The following TRAPPC8 variants were observed in gnomAD, a reference collection of about 807,000 sequenced individuals.
The protein encoded by TRAPPC8 is trafficking protein particle complex subunit 8.
TRAPPC8 carries 54 observed loss-of-function variants against 174.3 expected under a neutral mutation model. The observed-to-expected ratio is 0.31, with a 90% CI of 0.25 to 0.39. The LOEUF (loss-of-function observed/expected upper bound fraction) is 0.39, where lower values mean the gene tolerates loss of function less well. Ranked by LOEUF, TRAPPC8 falls within the 10% of genes least tolerant of loss-of-function variation. The probability of loss-of-function intolerance (pLI) is 1.00; values close to 1 mark genes in which losing one functional copy is unlikely to be tolerated. For synonymous variants in TRAPPC8, 630 were observed against 579.9 expected (o/e 1.09, Z -1.24); for missense variants, 1,531 against 1,699.1 (o/e 0.90, Z 1.74).
chr18:31,907,825 T>C (rs1225098525), intron 8 of TRAPPC8, among the ~76,000 whole-genome samples: 1 of 152,190 alleles, frequency 6.6e-6, no homozygotes, highest in Non-Finnish European at 1.5e-5. Context: ...AATGTCTGAA[T>C]GGCAGGCAAA....
At chr18:31,860,011 G>A (rs553156707) in intron 19 of TRAPPC8, among the ~76,000 whole-genome samples, 36 of 134,626 alleles carry the variant, frequency 2.7e-4, no homozygotes, top group African/African-American at 1.0e-3. Flanking sequence ...GCAAGACTCC[G>A]TCTCAAAAAA....
chr18:31,870,879 GTAAGTAAAACAAA>G, intron 15 of TRAPPC8, 34 bp downstream of exon 15: 1 of 1,399,058 alleles, frequency 7.1e-7, no homozygotes, highest in Non-Finnish European at 9.5e-7. Flanking sequence ...TCATCATGCT[GTAAGTAAAACAAA>G]TAAAAAACAG....
chr18:31,830,547 T>G lies in TRAPPC8; in HGVS notation c.*208A>C. The G allele has an allele frequency of 1.8e-6, 1 of 561,224 alleles. No homozygotes were observed. Among genetic ancestry groups the G allele is most frequent in the Non-Finnish European group, 3.2e-6 (1 of 317,134 alleles). The allele number at this position is 561,224 out of a possible 1,614,324, so 34.8% of individuals were successfully genotyped here. On this transcript the variant is annotated 3_prime_UTR_variant, in exon 29 of 29. Coordinates refer to ENST00000283351, the MANE Select transcript of TRAPPC8 (RefSeq NM_014939.5). ...CCTGTATTATGAGCATGTAAATTAT[T>G]CTCAGGGTTTAAAGAAATACAGAAA...
At chr18:31,918,251 T>C (rs925011460) in intron 2 of TRAPPC8, among the ~76,000 whole-genome samples, 4 of 152,210 alleles carry the variant, frequency 2.6e-5, no homozygotes, top group Admixed American at 1.3e-4. Context: ...AAAAATAAAA[T>C]TGAATTATTC....
At chr18:31,835,655 AGTCAC>A (rs1235370224) in intron 27 of TRAPPC8, among the ~76,000 whole-genome samples, 1 of 152,146 alleles carries the variant, frequency 6.6e-6, no homozygotes, top group Admixed American at 6.5e-5. Flanking sequence ...ACAGACACCC[AGTCAC>A]TTGATCCTTC....
At chr18:31,854,494 C>G (rs2033886986) in intron 21 of TRAPPC8, among the ~76,000 whole-genome samples, 2 of 152,038 alleles carry the variant, frequency 1.3e-5, no homozygotes. Context: ...GGGGGGAGAT[C>G]ACCAAAGTAC....
chr18:31,874,392 A>C (rs2035038735), intron 13 of TRAPPC8, 88 bp downstream of exon 13: 4 of 1,337,928 alleles, frequency 3.0e-6, no homozygotes, highest in Non-Finnish European at 4.2e-6. Context: ...TATTCTAATA[A>C]AACTATCGTA....
intron 16 of TRAPPC8, among the ~76,000 whole-genome samples, chr18:31,868,683 T>C (rs1172077272): frequency 6.6e-6 from 1 of 151,092 alleles, no homozygotes; most frequent in Non-Finnish European, 1.5e-5. Flanking sequence ...TATTTATTTA[T>C]TTTTTATTGT....
At chr18:31,879,279 C>G (rs112307990) in intron 12 of TRAPPC8, among the ~76,000 whole-genome samples, 4,426 of 152,200 alleles carry the variant, frequency 0.029, 230 homozygotes, top group African/African-American at 0.1. Flanking sequence ...CAAGGATCTT[C>G]TCAGACCACA....
intron 8 of TRAPPC8, among the ~76,000 whole-genome samples, chr18:31,908,059 CTTCA>C (rs2036740323): frequency 6.6e-6 from 1 of 152,198 alleles, no homozygotes; most frequent in African/African-American, 2.4e-5. Flanking sequence ...CCTAGTCTAA[CTTCA>C]TTGTTTTACA....
chr18:31,912,960 T>G (rs1443594949), intron 5 of TRAPPC8, among the ~76,000 whole-genome samples: 1 of 152,024 alleles, frequency 6.6e-6, no homozygotes, highest in Non-Finnish European at 1.5e-5. Flanking sequence ...AAACCTCACC[T>G]CTACTAAAAA....
chr18:31,880,119 A>T lies in TRAPPC8; in HGVS notation c.1729-5415T>A, dbSNP rs1170793468. On this transcript the variant is annotated intron_variant, in intron 12 of 28. Transcript: ENST00000283351. ...TATATATATATATATATATATATAT[A>T]TATTTTTTTTTTTTTAAGGAAGAAA... is the stretch of plus-strand genomic sequence containing the variant. 1.7e-3 allele frequency among the ~76,000 whole-genome samples: 124 copies of T among 72,816 alleles called. 2 individuals carry two copies. Among genetic ancestry groups the T allele is most frequent in the East Asian group, 2.4e-3 (9 of 3,710 alleles). The allele number at this position is 72,816 out of a possible 152,430, so 47.8% of individuals were successfully genotyped here.
chr18:31,907,583 T>G lies in TRAPPC8; in HGVS notation c.1266A>C (p.Gln422His). ...AACATAAGTCAGCCATTTTCCTGAT[T>G]TGAAGTTCTGGTGCTTCCGGCGGAT... ...LLYPPEAPELQIRKMADLCFL... is the reference protein window; with the variant it reads ...LLYPPEAPELHIRKMADLCFL... The change falls in exon 9 of 29, where the codon CAA becomes CAC. Residue 422 changes from glutamine (Q) to histidine (H), a missense_variant. Physicochemically the swap from Gln to His is conservative, Grantham distance 24. Transcript: ENST00000283351. 6.2e-7 allele frequency: 1 copy of G among 1,611,106 alleles called. No homozygotes were observed. Among genetic ancestry groups the G allele is most frequent in the Non-Finnish European group, 8.5e-7 (1 of 1,178,308 alleles).
intron 10 of TRAPPC8, among the ~76,000 whole-genome samples, chr18:31,898,687 C>T (rs1264957539): frequency 6.6e-6 from 1 of 152,192 alleles, no homozygotes; most frequent in Non-Finnish European, 1.5e-5. Context: ...ATTCCTGATC[C>T]AATTTTAGTT....
Position 31,912,351 on chromosome 18 carries a change from C to T in TRAPPC8, c.771+1018G>A, listed in dbSNP as rs371434642. 3.7e-4 allele frequency among the ~76,000 whole-genome samples: 57 copies of T among 152,154 alleles called. No individual in the cohort carries two copies. The South Asian group carries it at 0.011, about 30-fold the overall frequency. ...GCTAAAAATACAAAAATTAGCTGGGCGTGGTGGTGTGCGCCTGTAGTCCCA... is the reference window on the plus strand; with the variant it reads ...GCTAAAAATACAAAAATTAGCTGGGTGTGGTGGTGTGCGCCTGTAGTCCCA... On this transcript the variant is annotated intron_variant, in intron 5 of 28. Transcript: ENST00000283351.
At chr18:31,937,048 T>TA (rs1414377202) in intron 1 of TRAPPC8, among the ~76,000 whole-genome samples, 2 of 149,954 alleles carry the variant, frequency 1.3e-5, no homozygotes, top group Non-Finnish European at 3.0e-5. Flanking sequence ...CCGTCTCTAC[T>TA]AAAAAAACAC....
intron 27 of TRAPPC8, 116 bp from the exon 28 acceptor site, chr18:31,832,289 A>T (rs886192799): frequency 2.2e-5 from 9 of 405,342 alleles, no homozygotes; most frequent in Admixed American, 9.3e-5. Flanking sequence ...AAACAATCAG[A>T]TTCAAGAAGG....
intron 1 of TRAPPC8, among the ~76,000 whole-genome samples, chr18:31,934,397 G>A (rs1261335662): frequency 6.6e-6 from 1 of 151,926 alleles, no homozygotes; most frequent in Admixed American, 6.6e-5. Context: ...GATGTTTCTT[G>A]TATTATCTGC....
At chr18:31,880,943 A>C (rs1320023238) in intron 12 of TRAPPC8, among the ~76,000 whole-genome samples, 1 of 152,038 alleles carries the variant, frequency 6.6e-6, no homozygotes, top group African/African-American at 2.4e-5. Context: ...GAATACATTT[A>C]ACCAAGGAGG....
Sources: allele counts gnomAD v4.1 joint callset (sites outside exome capture counted in the v4.1 genomes callset), GRCh38; gene constraint gnomAD v4.1.1; transcripts MANE v1.5; gene names NCBI Gene and HGNC (gene_info 2026-07-23, HGNC 2026-07-21).